The following TTC28 variants were observed in gnomAD, a reference collection of about 807,000 sequenced individuals.
TTC28 encodes the protein tetratricopeptide repeat protein 28.
TTC28 carries 61 observed loss-of-function variants against 198.0 expected under a neutral mutation model. That is an observed-to-expected ratio of 0.31 (90% CI 0.25 to 0.38). The LOEUF is 0.38. Among genes scored for constraint, TTC28 ranks in the 10% least tolerant of loss-of-function variants. The pLI is 1.00. For synonymous variants in TTC28, 1,171 were observed against 1,297.8 expected, an observed-to-expected ratio of 0.90 and a Z score of 2.10; for missense variants, 2,678 against 3,164.0, an observed-to-expected ratio of 0.85 and a Z score of 3.69.
intron 2 of TTC28, among the ~76,000 whole-genome samples, chr22:28,534,163 T>C (rs1388344507): frequency 1.3e-5 from 2 of 152,216 alleles, no homozygotes; most frequent in South Asian, 2.1e-4. Context: ...TCTATCCATC[T>C]GACACAGGGC....
chr22:28,439,272 A>G (rs918584985), intron 2 of TTC28, among the ~76,000 whole-genome samples: 1 of 152,210 alleles, frequency 6.6e-6, no homozygotes, highest in Non-Finnish European at 1.5e-5. Flanking sequence ...AAGACAATCC[A>G]CTTACAGAGG....
intron 5 of TTC28, among the ~76,000 whole-genome samples, chr22:28,257,160 A>C (rs1333877931): frequency 6.6e-6 from 1 of 151,646 alleles, no homozygotes; most frequent in Non-Finnish European, 1.5e-5. Flanking sequence ...TGGGAATGTA[A>C]GTAAGTACAG....
Position 28,107,222 on chromosome 22 carries a change from C to T in TTC28, c.2623G>A (p.Asp875Asn), listed in dbSNP as rs529615602. 42 of 1,551,708 alleles carry T rather than the reference C, an allele frequency of 2.7e-5. No homozygotes were observed. The highest frequency in any genetic ancestry group is 1.7e-4 in the Middle Eastern group (1 of 5,992). The change falls in exon 7 of 23, where the codon GAC (aspartate) becomes AAC (asparagine). Residue 875 changes from aspartate to asparagine, a missense_variant. Coordinates refer to ENST00000397906, the MANE Select transcript of TTC28 (RefSeq NM_001145418.2). ...QQLSGNESVLDRGRAYGNLGD... is the reference protein window; with the variant it reads ...QQLSGNESVLNRGRAYGNLGD... ...AGGTTGCCATAGGCCCGGCCCCTGT[C>T]GAGCACAGACTCATTTCCACTTAGC...
At chr22:28,373,780 T>C in intron 2 of TTC28, among the ~76,000 whole-genome samples, 1 of 151,636 alleles carries the variant, frequency 6.6e-6, no homozygotes, top group East Asian at 1.9e-4. Context: ...GAAAGTTCTC[T>C]CTCTGTAAGG....
intron 2 of TTC28, among the ~76,000 whole-genome samples, chr22:28,407,474 A>G (rs774128727): frequency 4.6e-3 from 522 of 113,728 alleles, no homozygotes; most frequent in South Asian, 0.017. Context: ...ATGCGTGCGC[A>G]CACACACACA....
intron 5 of TTC28, among the ~76,000 whole-genome samples, chr22:28,276,021 T>TC (rs1166234634): frequency 2.0e-5 from 3 of 151,896 alleles, no homozygotes; most frequent in African/African-American, 7.3e-5. Flanking sequence ...AATTTTTTTT[T>TC]CTTTTTTTTT....
At chr22:28,329,693 G>A (rs1452840416) in intron 2 of TTC28, among the ~76,000 whole-genome samples, 5 of 151,980 alleles carry the variant, frequency 3.3e-5, no homozygotes, top group South Asian at 4.1e-4. Context: ...TGTTTTTTTA[G>A]GTAGTTATTT....
chr22:28,629,403 C>A (rs1182572360), intron 2 of TTC28, 149 bp downstream of exon 2: 6 of 742,226 alleles, frequency 8.1e-6, no homozygotes, highest in Non-Finnish European at 1.2e-5. Context: ...CGCTAGTGTA[C>A]CAGCTCAAGG....
chr22:28,633,202 T>C (rs9625518), intron 1 of TTC28, among the ~76,000 whole-genome samples: 20,437 of 148,700 alleles, frequency 0.14, 1,636 homozygotes, highest in African/African-American at 0.2. Flanking sequence ...ATTGCTTGAA[T>C]CCAGGAGGCA....
rs1011409385 is a variant in TTC28, at chr22:28,086,889, G to T, written c.3932+7191C>A. Reference sequence around the variant, plus strand: ...CAGAGAATACTACAAACACCTCTACGCAAATAAACTAGAAAATCTAGAAGA... The same window carrying T: ...CAGAGAATACTACAAACACCTCTACTCAAATAAACTAGAAAATCTAGAAGA... On this transcript the variant is annotated intron_variant, in intron 12 of 22. Transcript: ENST00000397906. 3.9e-5 allele frequency among the ~76,000 whole-genome samples: 6 copies of T among 152,024 alleles called. 1 individual carries two copies. Among genetic ancestry groups the T allele is most frequent in the Admixed American group, 3.9e-4 (6 of 15,258 alleles).
intron 9 of TTC28, among the ~76,000 whole-genome samples, chr22:28,099,853 C>T (rs571425846): frequency 2.6e-5 from 4 of 152,250 alleles, no homozygotes; most frequent in Admixed American, 1.3e-4. Context: ...GGGAAGAGAG[C>T]GCCACACTCT....
chr22:28,137,743 G>A (rs757133375), intron 6 of TTC28, among the ~76,000 whole-genome samples: 3 of 152,038 alleles, frequency 2.0e-5, no homozygotes, highest in Admixed American at 1.3e-4. Context: ...GGCCAGGCAC[G>A]GTGGCTCACA....
At chr22:28,307,073 A>G (rs1480921531) in intron 2 of TTC28, among the ~76,000 whole-genome samples, 1 of 152,158 alleles carries the variant, frequency 6.6e-6, no homozygotes, top group Non-Finnish European at 1.5e-5. Flanking sequence ...CCCCTCTTAA[A>G]TAATTACAAA....
intron 2 of TTC28, among the ~76,000 whole-genome samples, chr22:28,478,273 C>T (rs899120152): frequency 6.6e-6 from 1 of 152,032 alleles, no homozygotes; most frequent in Non-Finnish European, 1.5e-5. Flanking sequence ...TTTGGAAGGC[C>T]GAGGCAAGCG....
intron 12 of TTC28, among the ~76,000 whole-genome samples, chr22:28,045,948 C>T (rs762093713): frequency 1.4e-4 from 22 of 152,126 alleles, no homozygotes; most frequent in Non-Finnish European, 3.1e-4. Flanking sequence ...TCAGCCTGGG[C>T]GACAGAGCAA....
At chr22:28,431,838 C>T (rs2047434080) in intron 2 of TTC28, among the ~76,000 whole-genome samples, 1 of 151,922 alleles carries the variant, frequency 6.6e-6, no homozygotes, top group African/African-American at 2.4e-5. Flanking sequence ...ATGAGCCGGG[C>T]GTGGTGGCAT....
chr22:28,662,230 G>A (rs991175619), intron 1 of TTC28, among the ~76,000 whole-genome samples: 2 of 152,080 alleles, frequency 1.3e-5, no homozygotes, highest in Non-Finnish European at 2.9e-5. Context: ...TAAAAACTAG[G>A]TTTTAACAAT....
At chr22:28,571,561 A>G (rs1395408385) in intron 2 of TTC28, among the ~76,000 whole-genome samples, 5 of 152,252 alleles carry the variant, frequency 3.3e-5, no homozygotes, top group Non-Finnish European at 2.9e-5. Context: ...ATGTACAGCA[A>G]TAAGAACTCT....
At chr22:28,190,499 C>CT (rs1291501206) in intron 5 of TTC28, among the ~76,000 whole-genome samples, 17 of 152,156 alleles carry the variant, frequency 1.1e-4, no homozygotes, top group African/African-American at 4.1e-4. Context: ...AGTATGTATA[C>CT]TTCTGAATCT....
Sources: allele counts gnomAD v4.1 joint callset (sites outside exome capture counted in the v4.1 genomes callset), GRCh38; gene constraint gnomAD v4.1.1; transcripts MANE v1.5; gene names NCBI Gene and HGNC (gene_info 2026-07-23, HGNC 2026-07-21).